PTPRG: variants seen among roughly 807,000 people sequenced by gnomAD.
PTPRG encodes the protein protein tyrosine phosphatase receptor type G.
Under a neutral mutation model 165.3 loss-of-function variants are expected in PTPRG, and 102 were observed. The observed-to-expected ratio is 0.62, with a 90% CI of 0.53 to 0.73. PTPRG has a LOEUF of 0.73. Ranked by LOEUF, PTPRG falls within the 30% of genes least tolerant of loss-of-function variation. The pLI is 0.00. For synonymous variants in PTPRG, 675 were observed against 669.5 expected (o/e 1.01, Z -0.13); for missense variants, 1,866 against 1,861.4 (o/e 1.00, Z -0.05).
rs1016569075 is a variant in PTPRG at position 62,296,337 on chromosome 3, C to T, written c.*3030C>T. On this transcript the variant is annotated 3_prime_UTR_variant, in exon 30 of 30. Coordinates refer to ENST00000474889, the MANE Select transcript of PTPRG (RefSeq NM_002841.4). ...AGTTCTGGTTGTTGGAGTTTTTAGC[C>T]CAGAGTGACATACTGAAATCAGTAA... The T allele has an allele frequency of 6.6e-6, 1 of 151,602 alleles. No individual in the cohort carries two copies. The highest frequency in any genetic ancestry group is 1.5e-5 in the Non-Finnish European group (1 of 67,922). The allele number at this position is 151,602 out of a possible 1,614,324, so 9.4% of individuals were successfully genotyped here.
chr3:61,627,921 A>G (rs1184083960), intron 1 of PTPRG, among the ~76,000 whole-genome samples: 1 of 152,202 alleles, frequency 6.6e-6, no homozygotes, highest in African/African-American at 2.4e-5. Context: ...AACCAAGCCA[A>G]AGGAAAATCT....
chr3:62,015,994 C>G (rs1425420204), intron 4 of PTPRG, among the ~76,000 whole-genome samples: 1 of 151,908 alleles, frequency 6.6e-6, no homozygotes, highest in Non-Finnish European at 1.5e-5. Context: ...TGTGTAATAC[C>G]TATTACAGAT....
At chr3:61,578,282 C>T (rs748272604) in intron 1 of PTPRG, among the ~76,000 whole-genome samples, 33 of 152,302 alleles carry the variant, frequency 2.2e-4, no homozygotes, top group Middle Eastern at 6.8e-3. Context: ...AGATTGCACA[C>T]GGCCTGCGGA....
At chr3:61,700,853 C>A (rs547019800) in intron 1 of PTPRG, among the ~76,000 whole-genome samples, 1 of 152,216 alleles carries the variant, frequency 6.6e-6, no homozygotes, top group African/African-American at 2.4e-5. Flanking sequence ...TTTTATACTA[C>A]ACAGGAAATA....
At chr3:61,972,401 T>TG (rs751315509) in intron 2 of PTPRG, among the ~76,000 whole-genome samples, 32 of 144,738 alleles carry the variant, frequency 2.2e-4, no homozygotes, top group Non-Finnish European at 3.9e-4. Flanking sequence ...AGCATGCTGT[T>TG]GGGGGGTTTC....
intron 1 of PTPRG, among the ~76,000 whole-genome samples, chr3:61,732,553 C>CA (rs1488644540): frequency 4.0e-5 from 6 of 149,424 alleles, no homozygotes; most frequent in Non-Finnish European, 7.4e-5. Context: ...ACTAAAAATA[C>CA]AAAAAATTAG....
intron 1 of PTPRG, among the ~76,000 whole-genome samples, chr3:61,563,048 G>A (rs1575502660): frequency 6.6e-6 from 1 of 152,124 alleles, no homozygotes; most frequent in East Asian, 2.0e-4. Context: ...GTTTCGGAGA[G>A]ATCCGTGTCT....
intron 4 of PTPRG, among the ~76,000 whole-genome samples, chr3:62,070,936 TAAAA>T (rs60751536): frequency 6.8e-6 from 1 of 146,402 alleles, no homozygotes; most frequent in African/African-American, 2.5e-5. Flanking sequence ...AAAGTATAAT[TAAAA>T]AAAAAAAGAA....
intron 5 of PTPRG, among the ~76,000 whole-genome samples, chr3:62,122,514 T>C (rs1295052562): frequency 6.6e-6 from 1 of 152,242 alleles, no homozygotes; most frequent in Non-Finnish European, 1.5e-5. Flanking sequence ...GTAATTAGTT[T>C]ACACTTAATT....
chr3:61,968,685 G>A (rs1314212681), intron 2 of PTPRG, among the ~76,000 whole-genome samples: 1 of 152,102 alleles, frequency 6.6e-6, no homozygotes, highest in Non-Finnish European at 1.5e-5. Flanking sequence ...CCATTTGGGG[G>A]TTGACTTTGG....
chr3:61,587,017 C>G (rs533398926), intron 1 of PTPRG, among the ~76,000 whole-genome samples: 4 of 152,196 alleles, frequency 2.6e-5, no homozygotes, highest in African/African-American at 9.6e-5. Flanking sequence ...GCCACTGTTA[C>G]GGGGGATGGG....
chr3:61,942,433 G>GTGTATGGGTACCCCA (rs1479630202), intron 2 of PTPRG, among the ~76,000 whole-genome samples: 4 of 152,240 alleles, frequency 2.6e-5, no homozygotes, highest in Non-Finnish European at 5.9e-5. Context: ...ATTCACTCAT[G>GTGTATGGGTACCCCA]TGAGTGTACC....
chr3:61,612,636 T>C (rs571950704), intron 1 of PTPRG, among the ~76,000 whole-genome samples: 5 of 152,280 alleles, frequency 3.3e-5, no homozygotes, highest in South Asian at 2.1e-4. Context: ...TCTGTTTTTT[T>C]CCCCCGTCTT....
chr3:61,734,708 A>C (rs1264891964), intron 1 of PTPRG, among the ~76,000 whole-genome samples: 3 of 152,230 alleles, frequency 2.0e-5, no homozygotes, highest in African/African-American at 7.2e-5. Flanking sequence ...TAGTGTATTT[A>C]TTAAAAATAA....
At chr3:61,838,020 A>C (rs2036522083) in intron 2 of PTPRG, among the ~76,000 whole-genome samples, 1 of 151,980 alleles carries the variant, frequency 6.6e-6, no homozygotes, top group Non-Finnish European at 1.5e-5. Context: ...CCCTTTAAAA[A>C]CCCTGTCTCC....
intron 2 of PTPRG, among the ~76,000 whole-genome samples, chr3:61,843,041 C>G (rs1210857238): frequency 6.6e-6 from 1 of 152,180 alleles, no homozygotes; most frequent in East Asian, 1.9e-4. Context: ...AGCTCTGTTG[C>G]TCTAGCCTGA....
At chr3:62,110,417 C>T (rs952033) in intron 5 of PTPRG, among the ~76,000 whole-genome samples, 18,461 of 151,888 alleles carry the variant, frequency 0.12, 1,196 homozygotes, top group African/African-American at 0.15. Flanking sequence ...TTCCCCAGCG[C>T]GACTTTATTG....
chr3:62,163,310 T>C (rs1432124144), intron 7 of PTPRG, among the ~76,000 whole-genome samples: 1 of 152,168 alleles, frequency 6.6e-6, no homozygotes, highest in Non-Finnish European at 1.5e-5. Flanking sequence ...AAACTTATAC[T>C]AATACTGCTA....
chr3:61,950,044 C>A (rs1209143498), intron 2 of PTPRG, among the ~76,000 whole-genome samples: 1 of 152,224 alleles, frequency 6.6e-6, no homozygotes, highest in East Asian at 1.9e-4. Flanking sequence ...CTGAGCCCGG[C>A]CAAGCCTTTA....
Sources: gnomAD v4.1 joint callset for allele counts (sites outside exome capture counted in the v4.1 genomes callset) on GRCh38, gnomAD v4.1.1 for gene constraint, MANE v1.5 for transcripts, NCBI Gene and HGNC (gene_info 2026-07-23, HGNC 2026-07-21) for gene names.